Variants in SVOP observed in about 807,000 individuals in gnomAD.
SVOP encodes the protein SV2 related protein, also known as synaptic vesicle 2-related protein.
SVOP carries 17 observed loss-of-function variants against 69.1 expected under a neutral mutation model. That is an observed-to-expected ratio of 0.25 (90% CI 0.17 to 0.37). The LOEUF (loss-of-function observed/expected upper bound fraction) is 0.37. Among genes scored for constraint, SVOP ranks in the 10% least tolerant of loss-of-function variants. The probability of loss-of-function intolerance (pLI) is 1.00; values close to 1 mark genes in which losing one functional copy is unlikely to be tolerated. For synonymous variants in SVOP, 238 were observed against 238.6 expected, an observed-to-expected ratio of 1.00 and a Z score of 0.02; for missense variants, 435 against 597.5, an observed-to-expected ratio of 0.73 and a Z score of 2.84.
Position 108,908,091 on chromosome 12 carries a change from C to T in SVOP, c.*4444G>A. 1 of 152,402 alleles carries T rather than the reference C, an allele frequency of 6.6e-6. No homozygotes were observed. The highest frequency in any genetic ancestry group is 1.5e-5 in the Non-Finnish European group (1 of 68,102). The allele number at this position is 152,402 out of a possible 1,614,324, so 9.4% of individuals were successfully genotyped here. A position where few individuals can be genotyped will look rare whatever the true frequency, so the allele number is the denominator to read the frequency against. ...GATCTGGGAGTGGGGCACTGAGCAG[C>T]TGAGTCAGGTATGTTTGCAGAGCTG... On this transcript the variant is annotated 3_prime_UTR_variant, in exon 16 of 16. Transcript: ENST00000610966.
rs143630560 is a variant in SVOP at position 109,013,959 on chromosome 12, T to C, written c.35+6875A>G. 2.6e-3 allele frequency among the ~76,000 whole-genome samples: 391 copies of C among 152,244 alleles called. 3 individuals are homozygous for C. The highest frequency in any genetic ancestry group is 8.8e-3 in the African/African-American group (365 of 41,546). On this transcript the variant is annotated intron_variant, in intron 1 of 15. Coordinates refer to ENST00000610966, the MANE Select transcript of SVOP (RefSeq NM_018711.5). ...GCTGTATTTGTCTTTTTGTGACTGC[T>C]TTATTTGCACAATGTCTGCAAGCTT...
chr12:108,958,315 T>A (rs1566057252), intron 6 of SVOP, among the ~76,000 whole-genome samples: 2 of 118,150 alleles, frequency 1.7e-5, no homozygotes, highest in Admixed American at 1.6e-4. Flanking sequence ...TTTTTTTTTT[T>A]TAATTTAATA....
At chr12:108,962,472 C>T (rs2040023321) in intron 5 of SVOP, among the ~76,000 whole-genome samples, 1 of 152,074 alleles carries the variant, frequency 6.6e-6, no homozygotes, top group Non-Finnish European at 1.5e-5. Flanking sequence ...GTTAAGAAGG[C>T]GTTATTCAGT....
chr12:108,960,938 C>G lies in SVOP; in HGVS notation c.563G>C (p.Gly188Ala), dbSNP rs1202314320. 1.3e-6 allele frequency: 2 copies of G among 1,537,068 alleles called. No homozygotes were observed. Residue 188 changes from glycine (G) to alanine (A), a missense_variant, in exon 6 of 16, where the codon GGA becomes GCA. Physicochemically the swap from Gly to Ala is moderately conservative, Grantham distance 60. Coordinates refer to ENST00000610966, the MANE Select transcript of SVOP (RefSeq NM_018711.5). ...VLRGLVGFGIGGVPQSVTLYA... is the reference protein window; with the variant it reads ...VLRGLVGFGIAGVPQSVTLYA... ...ATTTACTTACGACTGGGGAACTCCT[C>G]CGATCCCGAAGCCCACCAGGCCCCG...
At chr12:109,018,551 G>A (rs568027829) in intron 1 of SVOP, among the ~76,000 whole-genome samples, 1 of 152,176 alleles carries the variant, frequency 6.6e-6, no homozygotes, top group African/African-American at 2.4e-5. Flanking sequence ...TTGCTCTCGG[G>A]AAATCTGCTG....
chr12:108,982,326 CCATCATCATCATCTTCACCATCATCAT>C (rs2040140974), intron 2 of SVOP, among the ~76,000 whole-genome samples: 1 of 147,636 alleles, frequency 6.8e-6, no homozygotes, highest in Non-Finnish European at 1.5e-5. Context: ...ATCATCATCA[CCATCATCATCATCTTCACCATCATCAT>C]CATCACTATC....
Position 108,912,728 on chromosome 12 carries a change from G to A in SVOP, c.1454C>T (p.Ser485Phe). ...TPFIAQVMLE[S>F]SVYLTLAVYS... ...AACTGCCAGAGTCAGGTACACAGAG[G>A]ATTCCAGCATCACCTAGGGGAAGGA... is the stretch of plus-strand genomic sequence containing the variant. Residue 485 changes from serine to phenylalanine, a missense_variant, in exon 16 of 16, where the codon TCC becomes TTC. Coordinates refer to ENST00000610966, the MANE Select transcript of SVOP (RefSeq NM_018711.5). 1 of 1,613,808 alleles carries A rather than the reference G, an allele frequency of 6.2e-7. No homozygotes were observed. The highest frequency in any genetic ancestry group is 8.5e-7 in the Non-Finnish European group (1 of 1,179,842).
At chr12:108,999,968 A>C (rs2040258427) in intron 1 of SVOP, among the ~76,000 whole-genome samples, 1 of 151,194 alleles carries the variant, frequency 6.6e-6, no homozygotes, top group Non-Finnish European at 1.5e-5. Context: ...AAATCAGAGC[A>C]GAACTGAAGG....
Position 108,992,870 on chromosome 12 carries a change from A to T in SVOP, c.36-9109T>A, listed in dbSNP as rs540147620. Among the ~76,000 whole-genome samples the T allele has an allele frequency of 7.2e-5, 11 of 152,228 alleles. 1 individual carries two copies. The South Asian group carries it at 1.9e-3, about 26-fold the overall frequency. On this transcript the variant is annotated intron_variant, in intron 1 of 15. Transcript: ENST00000610966. ...CTGCACACTTTAATTGATGGTTAAG[A>T]TGGAAAAAAATAAAAAATAAATAAA...
rs2039736293 is a variant in SVOP, at chr12:108,919,595, T to C, written c.1268+80A>G. ...CTTACATTAACACCTGGCCCGCACA[T>C]CTACCTGGGCCTGCACCCACACCTG... On this transcript the variant is annotated intron_variant, in intron 13 of 15. Transcript: ENST00000610966. The C allele has an allele frequency of 2.7e-6, 3 of 1,110,678 alleles. No individual in the cohort carries two copies. The Admixed American group carries it at 6.6e-5, about 25-fold the overall frequency. The allele number at this position is 1,110,678 out of a possible 1,614,324, so 68.8% of individuals were successfully genotyped here. A position where few individuals can be genotyped will look rare whatever the true frequency, so the allele number is the denominator to read the frequency against.
chr12:108,956,144 CA>C (rs201660496), intron 6 of SVOP, among the ~76,000 whole-genome samples: 1 of 150,830 alleles, frequency 6.6e-6, no homozygotes, highest in South Asian at 2.1e-4. Flanking sequence ...ACTAAAAATA[CA>C]AAAAAAATTA....
chr12:109,020,759 C>CCG (rs901788602), intron 1 of SVOP, 75 bp downstream of exon 1: 7 of 314,168 alleles, frequency 2.2e-5, no homozygotes, highest in Admixed American at 4.2e-5. Context: ...GATGTACCCC[C>CCG]CCCCACCCCC....
At chr12:108,927,865 G>A (rs1266213373) in intron 11 of SVOP, among the ~76,000 whole-genome samples, 3 of 151,556 alleles carry the variant, frequency 2.0e-5, no homozygotes, top group African/African-American at 7.3e-5. Context: ...CAAAGTGCTG[G>A]GATTAAAGGC....
rs1414298724 is a variant in SVOP, at chr12:108,960,903, A to G, written c.578+20T>C. The G allele has an allele frequency of 6.5e-7, 1 of 1,536,136 alleles. No individual in the cohort carries two copies. Among genetic ancestry groups the G allele is most frequent in the Non-Finnish European group, 8.7e-7 (1 of 1,146,300 alleles). Reference sequence around the variant, plus strand: ...GGATGGGCAGCCTGGCTGCATAGCCAGCACTGGGTATTTACTTACGACTGG... The same window carrying G: ...GGATGGGCAGCCTGGCTGCATAGCCGGCACTGGGTATTTACTTACGACTGG... On this transcript the variant is annotated intron_variant, in intron 6 of 15. Coordinates refer to ENST00000610966, the MANE Select transcript of SVOP (RefSeq NM_018711.5).
At chr12:108,961,513 C>T (rs2040017779) in intron 5 of SVOP, among the ~76,000 whole-genome samples, 1 of 148,476 alleles carries the variant, frequency 6.7e-6, no homozygotes, top group African/African-American at 2.5e-5. Context: ...AGAAAATTTA[C>T]TTTGTTTTAC....
intron 1 of SVOP, among the ~76,000 whole-genome samples, chr12:108,987,710 C>CT (rs2040173497): frequency 6.6e-6 from 1 of 152,118 alleles, no homozygotes; most frequent in Admixed American, 6.5e-5. Flanking sequence ...TTATTATGTG[C>CT]TTATTGGCCC....
chr12:108,968,216 TTG>T (rs2040056771), intron 5 of SVOP, among the ~76,000 whole-genome samples: 1 of 152,242 alleles, frequency 6.6e-6, no homozygotes, highest in African/African-American at 2.4e-5. Context: ...GAAGTATTTA[TTG>T]AGTGTGCACT....
chr12:108,976,927 T>C (rs974757505), intron 4 of SVOP, among the ~76,000 whole-genome samples: 1 of 152,266 alleles, frequency 6.6e-6, no homozygotes, highest in Non-Finnish European at 1.5e-5. Flanking sequence ...TTCCTCTCTT[T>C]TAAGAGGTTG....
At chr12:109,003,978 TG>T (rs1451368032) in intron 1 of SVOP, among the ~76,000 whole-genome samples, 1 of 152,196 alleles carries the variant, frequency 6.6e-6, no homozygotes, top group African/African-American at 2.4e-5. Context: ...AGGGCACCTT[TG>T]TTTATTAAAG....
Sources: gnomAD v4.1 joint callset for allele counts (sites outside exome capture counted in the v4.1 genomes callset) on GRCh38, gnomAD v4.1.1 for gene constraint, MANE v1.5 for transcripts, NCBI Gene and HGNC (gene_info 2026-07-23, HGNC 2026-07-21) for gene names.